NCAM2: variants seen among roughly 807,000 people sequenced by gnomAD.
The protein encoded by NCAM2 is N-CAM-2.
NCAM2 carries 30 observed loss-of-function variants against 98.1 expected under a neutral mutation model. The ratio of observed to expected loss-of-function variants is 0.31; its 90% CI spans 0.23 to 0.41. NCAM2 has a LOEUF of 0.41. NCAM2 is among the 10% of genes least tolerant of loss of function. The pLI, the probability that NCAM2 is intolerant of heterozygous loss-of-function variation, is 1.00. For synonymous variants in NCAM2, 368 were observed against 342.4 expected, an observed-to-expected ratio of 1.07 and a Z score of -0.83; for missense variants, 867 against 1,005.8, an observed-to-expected ratio of 0.86 and a Z score of 1.87.
At chr21:21,129,827 A>C (rs1454531512) in intron 1 of NCAM2, among the ~76,000 whole-genome samples, 1 of 152,198 alleles carries the variant, frequency 6.6e-6, no homozygotes, top group East Asian at 1.9e-4. Flanking sequence ...TTGTATGATG[A>C]ATCTGTATAT....
intron 1 of NCAM2, among the ~76,000 whole-genome samples, chr21:21,038,230 A>C (rs1426538197): frequency 6.6e-6 from 1 of 152,252 alleles, no homozygotes; most frequent in Non-Finnish European, 1.5e-5. Context: ...AATGATACAG[A>C]TATATAGAAA....
At chr21:21,440,925 A>G (rs1481555862) in intron 12 of NCAM2, among the ~76,000 whole-genome samples, 3 of 152,166 alleles carry the variant, frequency 2.0e-5, no homozygotes, top group Non-Finnish European at 2.9e-5. Context: ...AGGTAGAAAT[A>G]TAAGTCAAGT....
At chr21:21,463,513 T>C (rs556894707) in intron 12 of NCAM2, among the ~76,000 whole-genome samples, 4 of 152,240 alleles carry the variant, frequency 2.6e-5, no homozygotes, top group Admixed American at 6.6e-5. Context: ...AAACCTCTCT[T>C]TGGCCAGCTT....
At chr21:21,402,234 G>A (rs2076646426) in intron 9 of NCAM2, among the ~76,000 whole-genome samples, 1 of 152,106 alleles carries the variant, frequency 6.6e-6, no homozygotes, top group Non-Finnish European at 1.5e-5. Flanking sequence ...CATGCAAGTA[G>A]GAGAGATATG....
chr21:21,310,152 A>C (rs1343044724), intron 5 of NCAM2, among the ~76,000 whole-genome samples: 4 of 152,188 alleles, frequency 2.6e-5, no homozygotes, highest in Non-Finnish European at 5.9e-5. Context: ...GCTATGTCTG[A>C]ATTTCACTTT....
Position 21,292,371 on chromosome 21 carries a change from T to C in NCAM2, c.619+130T>C, listed in dbSNP as rs1450256746. ...CTCTTCTATACCAGGAAGAAATCTT[T>C]CCATCTTTATTATGGCATCTGTAAC... On this transcript the variant is annotated intron_variant, in intron 5 of 17. Transcript: ENST00000400546. The C allele has an allele frequency of 3.5e-6, 3 of 863,898 alleles. No individual in the cohort carries two copies. The African/African-American group carries it at 5.2e-5, about 15-fold the overall frequency. 53.5% of individuals were successfully genotyped at this position (863,898 alleles called of 1,614,324 possible).
intron 1 of NCAM2, among the ~76,000 whole-genome samples, chr21:21,133,396 G>A (rs889917280): frequency 3.3e-5 from 5 of 152,164 alleles, no homozygotes; most frequent in African/African-American, 9.7e-5. Context: ...TGGGCTGATC[G>A]TGTTCTGTCT....
At chr21:21,419,305 C>CTTTTTTTTTTTT (rs34109924) in intron 11 of NCAM2, among the ~76,000 whole-genome samples, 1 of 99,958 alleles carries the variant, frequency 1.0e-5, no homozygotes. Context: ...AAATAGGGAA[C>CTTTTTTTTTTTT]TTTTTTTTTT....
intron 1 of NCAM2, among the ~76,000 whole-genome samples, chr21:21,015,543 T>G (rs1369028561): frequency 6.6e-6 from 1 of 152,206 alleles, no homozygotes; most frequent in Non-Finnish European, 1.5e-5. Flanking sequence ...ATCATTCTGT[T>G]GCACACTTAA....
chr21:21,261,455 C>T (rs761786701), intron 1 of NCAM2, among the ~76,000 whole-genome samples: 3 of 152,070 alleles, frequency 2.0e-5, no homozygotes, highest in Non-Finnish European at 2.9e-5. Flanking sequence ...GTAATCAAGC[C>T]AGTCTCAATA....
At chr21:21,145,597 A>C (rs2067255662) in intron 1 of NCAM2, among the ~76,000 whole-genome samples, 1 of 152,158 alleles carries the variant, frequency 6.6e-6, no homozygotes, top group South Asian at 2.1e-4. Flanking sequence ...TAGTCTATAA[A>C]TCTGTATGTT....
chr21:21,359,356 A>G lies in NCAM2; in HGVS notation c.1045-14507A>G, dbSNP rs367554509. ...GAGCTTGCTGAGAGGTGGATTTTCA[A>G]TCATTTACAACTTTCTGAAATCTTT... On this transcript the variant is annotated intron_variant, in intron 8 of 17. Coordinates refer to ENST00000400546, the MANE Select transcript of NCAM2 (RefSeq NM_004540.5). Among the ~76,000 whole-genome samples the G allele has an allele frequency of 3.3e-5, 5 of 152,132 alleles. 1 individual carries two copies. In the South Asian group the frequency reaches 1.0e-3, roughly 31 times the overall value.
intron 16 of NCAM2, among the ~76,000 whole-genome samples, chr21:21,526,525 C>T (rs1053321778): frequency 3.3e-5 from 5 of 151,970 alleles, no homozygotes; most frequent in African/African-American, 1.2e-4. Context: ...GATAGAAAGA[C>T]TCAATATGGA....
intron 12 of NCAM2, among the ~76,000 whole-genome samples, chr21:21,451,760 A>T (rs1473465519): frequency 6.6e-6 from 1 of 152,138 alleles, no homozygotes; most frequent in Non-Finnish European, 1.5e-5. Flanking sequence ...ATTTCACATC[A>T]CAGAGAAAAT....
intron 1 of NCAM2, among the ~76,000 whole-genome samples, chr21:21,274,582 T>A (rs1261945757): frequency 6.6e-6 from 1 of 152,224 alleles, no homozygotes; most frequent in Non-Finnish European, 1.5e-5. Context: ...GATAACATTT[T>A]AAAATATGTT....
At chr21:21,376,551 T>C (rs948753483) in intron 9 of NCAM2, among the ~76,000 whole-genome samples, 1 of 151,808 alleles carries the variant, frequency 6.6e-6, no homozygotes, top group South Asian at 2.1e-4. Flanking sequence ...TTTTTAGTTA[T>C]TGGTTTTAGC....
chr21:21,268,914 A>G (rs1034704544), intron 1 of NCAM2, among the ~76,000 whole-genome samples: 12 of 152,152 alleles, frequency 7.9e-5, no homozygotes, highest in South Asian at 4.1e-4. Context: ...AATCTAACTA[A>G]TCTAACTATG....
intron 1 of NCAM2, among the ~76,000 whole-genome samples, chr21:21,106,725 A>G (rs1034633096): frequency 6.6e-6 from 1 of 151,956 alleles, no homozygotes; most frequent in Non-Finnish European, 1.5e-5. Flanking sequence ...TCATTAATAA[A>G]AAAAAATCAG....
intron 16 of NCAM2, among the ~76,000 whole-genome samples, chr21:21,533,166 CTT>C (rs201532023): frequency 1.1e-5 from 1 of 93,794 alleles, no homozygotes; most frequent in Non-Finnish European, 2.1e-5. Flanking sequence ...TGTTTGCTTG[CTT>C]TTTTTTTTTT....
Sources: gnomAD v4.1 joint callset for allele counts (sites outside exome capture counted in the v4.1 genomes callset) on GRCh38, gnomAD v4.1.1 for gene constraint, MANE v1.5 for transcripts, NCBI Gene and HGNC (gene_info 2026-07-23, HGNC 2026-07-21) for gene names.